TRIP13: variants seen among roughly 807,000 people sequenced by gnomAD.
TRIP13 encodes the protein thyroid hormone receptor interactor 13.
Under a neutral mutation model 54.4 loss-of-function variants are expected in TRIP13, and 25 were observed. The ratio of observed to expected loss-of-function variants is 0.46; its 90% CI spans 0.33 to 0.64. The LOEUF is 0.64. Among genes scored for constraint, TRIP13 ranks in the 30% least tolerant of loss-of-function variants. TRIP13 has a pLI of 0.02. For synonymous variants in TRIP13, 207 were observed against 207.8 expected (o/e 1.00, Z 0.03); for missense variants, 373 against 534.2 (o/e 0.70, Z 2.97).
In TRIP13 at chr5:912,483, G is replaced by A. The variant is rs573088777; in HGVS notation, c.1020+487G>A. Among the ~76,000 whole-genome samples the A allele has an allele frequency of 9.2e-5, 14 of 152,190 alleles. No individual in the cohort carries two copies. The highest frequency in any genetic ancestry group is 3.4e-4 in the African/African-American group (14 of 41,524). ...CAGGAACACTGTTGCCGTGGGCAGA[G>A]CGACGCGTGCGGGTTGTGTGTGTGA... On this transcript the variant is annotated intron_variant, in intron 10 of 12. Coordinates refer to ENST00000166345, the MANE Select transcript of TRIP13 (RefSeq NM_004237.4). The surrounding 1 kb of genome is among the most constrained non-coding windows in gnomAD (Gnocchi z 7.2).
At chr5:906,597 G>T (rs1434446531) in intron 6 of TRIP13, among the ~76,000 whole-genome samples, 4 of 152,202 alleles carry the variant, frequency 2.6e-5, no homozygotes, top group Admixed American at 2.6e-4. Flanking sequence ...CCTCAGTCTT[G>T]TTCTCTGGTG....
Position 896,595 on chromosome 5 carries a change from C to T in TRIP13, c.259-70C>T, listed in dbSNP as rs543515984. ...AGTTTTTATTTGTAGACCTTAACAT[C>T]TAATTTGTATGGTTGCAGTTAAGTG... On this transcript the variant is annotated intron_variant, in intron 2 of 12. Transcript: ENST00000166345. 219 of 1,526,874 alleles carry T rather than the reference C, an allele frequency of 1.4e-4. 5 individuals are homozygous for T. In the South Asian group the frequency reaches 2.6e-3, roughly 18 times the overall value. 94.6% of individuals were successfully genotyped at this position (1,526,874 alleles called of 1,614,324 possible).
chr5:895,862 A>G (rs761294998), intron 2 of TRIP13, among the ~76,000 whole-genome samples: 2 of 152,258 alleles, frequency 1.3e-5, no homozygotes, highest in Non-Finnish European at 2.9e-5. Flanking sequence ...ATAGCCAACA[A>G]TTTGAAATAT....
Position 913,354 on chromosome 5 carries a change from TTTTG to T in TRIP13, c.1021-1099_1021-1096del, listed in dbSNP as rs139009090. Reference sequence around the variant, plus strand: ...GGGACAGTGTAGGACAGGGGTAGTTTTTTGTTTGTTTGTTTATTTTGAGACACAG... The same window carrying T: ...GGGACAGTGTAGGACAGGGGTAGTTTTTTGTTTGTTTATTTTGAGACACAG... On this transcript the variant is annotated intron_variant, in intron 10 of 12. Transcript: ENST00000166345. The surrounding 1 kb of genome is among the most constrained non-coding windows in gnomAD (Gnocchi z 4.5). 7.3e-3 allele frequency among the ~76,000 whole-genome samples: 1,111 copies of T among 152,196 alleles called. 14 individuals are homozygous for T. Among genetic ancestry groups the T allele is most frequent in the African/African-American group, 0.025 (1,051 of 41,526 alleles).
intron 1 of TRIP13, among the ~76,000 whole-genome samples, chr5:894,420 C>A (rs1370271727): frequency 6.6e-6 from 1 of 152,190 alleles, no homozygotes; most frequent in African/African-American, 2.4e-5. Context: ...CAGGCCTGAC[C>A]CCACAGCTGT....
At chr5:906,924 C>G (rs567592639) in intron 6 of TRIP13, among the ~76,000 whole-genome samples, 20 of 152,254 alleles carry the variant, frequency 1.3e-4, no homozygotes, top group Admixed American at 3.3e-4. Context: ...TCAATTGATA[C>G]AGTCTAGAAC....
rs73020944 is a variant in TRIP13, at chr5:908,647, T to A, written c.866+186T>A. ...TATCACAAATGCTTTTTAAAGAAAT[T>A]GTTTTTAGTGTGTTAAAAATGTAAT... On this transcript the variant is annotated intron_variant, in intron 9 of 12. Transcript: ENST00000166345. The surrounding 1 kb of genome is among the most constrained non-coding windows in gnomAD (Gnocchi z 5.2). 1,781 of 1,422,978 alleles carry A rather than the reference T, an allele frequency of 1.3e-3. 27 individuals are homozygous for A. The African/African-American group carries it at 0.023, about 18-fold the overall frequency. 88.1% of individuals were successfully genotyped at this position (1,422,978 alleles called of 1,614,324 possible). A position where few individuals can be genotyped will look rare whatever the true frequency, so the allele number is the denominator to read the frequency against.
intron 5 of TRIP13, among the ~76,000 whole-genome samples, chr5:901,683 C>T (rs1021733256): frequency 3.9e-5 from 6 of 152,194 alleles, no homozygotes; most frequent in Non-Finnish European, 8.8e-5. Context: ...CCGATCTCGG[C>T]TCACTGCAAC....
At position 903,967 on chromosome 5, in the gene TRIP13, C is replaced by T. The variant is rs140808269; in HGVS notation, c.536-181C>T. On this transcript the variant is annotated intron_variant, in intron 5 of 12. Coordinates refer to ENST00000166345, the MANE Select transcript of TRIP13 (RefSeq NM_004237.4). ...AGTACAAATAAGAAAGAGGGGGAGA[C>T]GTAAGTGTATTGGTAATATTTCATA... Among the ~76,000 whole-genome samples, 58 of 152,174 alleles carry T rather than the reference C, an allele frequency of 3.8e-4. 1 individual carries two copies. In the East Asian group the frequency reaches 5.4e-3, roughly 14 times the overall value.
rs1377444646 is a variant in TRIP13, at chr5:915,949, T to C, written c.1179T>C (p.Phe393=). 2.5e-6 allele frequency: 4 copies of C among 1,614,042 alleles called. No homozygotes were observed. In the African/African-American group the frequency reaches 5.3e-5, roughly 22 times the overall value. Residue 393 remains phenylalanine, a synonymous_variant, in exon 12 of 13, where the codon TTT becomes TTC. Transcript: ENST00000166345. This position sits in a 1 kb window ranked among gnomAD's most constrained non-coding sequence, Gnocchi z 4.2. ...GCCGGGTCCTGAGAAAACTCCCCTT[T>C]CTGGCTCATGCGCTGTATGTCCAGG... The part of the protein sequence containing the change: ...LSGRVLRKLP[F]LAHALYVQAP...
At chr5:895,727 C>T (rs539594667) in intron 2 of TRIP13, among the ~76,000 whole-genome samples, 3 of 152,296 alleles carry the variant, frequency 2.0e-5, no homozygotes, top group South Asian at 4.1e-4. Flanking sequence ...CTGGAGGGCA[C>T]GGGCTGCCCA....
rs1248063210 is a variant in TRIP13, at chr5:911,885, G to A, written c.909G>A (p.Glu303=). 1.9e-6 allele frequency: 3 copies of A among 1,613,718 alleles called. No individual in the cohort carries two copies. The highest frequency in any genetic ancestry group is 2.5e-6 in the Non-Finnish European group (3 of 1,179,942). The change falls in exon 10 of 13, where the codon GAG becomes GAA. Residue 303 remains glutamate (E), a synonymous_variant. Transcript: ENST00000166345. The surrounding 1 kb of genome is among the most constrained non-coding windows in gnomAD (Gnocchi z 4.7). ...TTCTGACCACTTCTAACATCACCGA[G>A]AAGATCGACGTGGCCTTCGTGGACA... ...VVILTTSNIT[E]KIDVAFVDRA...
In TRIP13 at chr5:911,388, G is replaced by A. The variant is rs1486442453; in HGVS notation, c.867-455G>A. Among the ~76,000 whole-genome samples, 4 of 152,166 alleles carry A rather than the reference G, an allele frequency of 2.6e-5. No homozygotes were observed. The highest frequency in any genetic ancestry group is 2.1e-4 in the South Asian group (1 of 4,818). On this transcript the variant is annotated intron_variant, in intron 9 of 12. Transcript: ENST00000166345. The surrounding 1 kb of genome is among the most constrained non-coding windows in gnomAD (Gnocchi z 4.7). ...AGATCGAGACCATCCTGGCTAACACGGTGAAACCCCGTCTCCACTAAAAAT... is the reference window on the plus strand; with the variant it reads ...AGATCGAGACCATCCTGGCTAACACAGTGAAACCCCGTCTCCACTAAAAAT...
rs142441487 is a variant in TRIP13, at chr5:900,608, T to G, written c.444+59T>G. On this transcript the variant is annotated intron_variant, in intron 4 of 12. Transcript: ENST00000166345. ...TTATTTGAAGAGGAACCATTACTGT[T>G]TTGCTCTCCAACACCCCTGAGCAAC... The G allele has an allele frequency of 6.3e-6, 10 of 1,586,640 alleles. No homozygotes were observed. In the African/African-American group the frequency reaches 9.5e-5, roughly 15 times the overall value.
chr5:893,459 C>T (rs1166150158), intron 1 of TRIP13, among the ~76,000 whole-genome samples: 3 of 152,254 alleles, frequency 2.0e-5, no homozygotes, highest in African/African-American at 7.2e-5. Flanking sequence ...CTGCGCATTA[C>T]AGAGAGCTCT....
chr5:915,731 A>G lies in TRIP13; in HGVS notation c.1134-173A>G, dbSNP rs1189121850. Among the ~76,000 whole-genome samples, 3 of 152,168 alleles carry G rather than the reference A, an allele frequency of 2.0e-5. No individual in the cohort carries two copies. Among genetic ancestry groups the G allele is most frequent in the African/African-American group, 7.2e-5 (3 of 41,446 alleles). On this transcript the variant is annotated intron_variant, in intron 11 of 12. Transcript: ENST00000166345. The surrounding 1 kb of genome is among the most constrained non-coding windows in gnomAD (Gnocchi z 4.2). ...AGAGGCCGGGGGCAAAGAGACATTC[A>G]GAGGGCAAGGCTCAGGAGACCAGTG...
intron 9 of TRIP13, among the ~76,000 whole-genome samples, chr5:910,281 C>A (rs1422410836): frequency 6.6e-6 from 1 of 152,224 alleles, no homozygotes; most frequent in African/African-American, 2.4e-5. Flanking sequence ...CCCTCCCCGG[C>A]CTCCATTCTC....
rs549775875 is a variant in TRIP13, at chr5:915,365, G to T, written c.1134-539G>T. Among the ~76,000 whole-genome samples the T allele has an allele frequency of 6.6e-6, 1 of 151,066 alleles. No homozygotes were observed. The highest frequency in any genetic ancestry group is 6.6e-5 in the Admixed American group (1 of 15,186). ...CAGGCAGGTGATGCCTTCCCTGAGC[G>T]CAAGGATGCTGGCCCTGGGGCAGAG... On this transcript the variant is annotated intron_variant, in intron 11 of 12. Transcript: ENST00000166345. The surrounding 1 kb of genome is among the most constrained non-coding windows in gnomAD (Gnocchi z 4.2).
At chr5:910,301 C>G (rs553952359) in intron 9 of TRIP13, among the ~76,000 whole-genome samples, 1 of 152,234 alleles carries the variant, frequency 6.6e-6, no homozygotes, top group African/African-American at 2.4e-5. Context: ...CCTGTCTCCC[C>G]GGTTTATGCT....
Sources: gnomAD v4.1 joint callset for allele counts (sites outside exome capture counted in the v4.1 genomes callset) on GRCh38, gnomAD v4.1.1 for gene constraint, Gnocchi (gnomAD v3.1) non-coding constraint, MANE v1.5 for transcripts, NCBI Gene and HGNC (gene_info 2026-07-23, HGNC 2026-07-21) for gene names.